ADK: variants seen among roughly 807,000 people sequenced by gnomAD.
ADK encodes adenosine kinase, also known as N6,N6-dimethyladenosine kinase.
Under a neutral mutation model 44.7 loss-of-function variants are expected in ADK, and 24 were observed. The ratio of observed to expected loss-of-function variants is 0.54; its 90% CI spans 0.39 to 0.76. The LOEUF (loss-of-function observed/expected upper bound fraction) is 0.76. Among genes scored for constraint, ADK ranks in the 30% least tolerant of loss-of-function variants. The pLI is 0.00. For missense variants in ADK, 321 were observed against 425.1 expected, an observed-to-expected ratio of 0.76 and a Z score of 2.15; for synonymous variants, 128 against 142.6, an observed-to-expected ratio of 0.90 and a Z score of 0.73.
intron 6 of ADK, among the ~76,000 whole-genome samples, chr10:74,516,133 A>G (rs1471413287): frequency 6.6e-6 from 1 of 152,174 alleles, no homozygotes; most frequent in Non-Finnish European, 1.5e-5. Context: ...CAGCTCTCCA[A>G]AATGGGCTCA....
At chr10:74,375,049 A>G (rs145244307) in intron 4 of ADK, among the ~76,000 whole-genome samples, 233 of 152,216 alleles carry the variant, frequency 1.5e-3, no homozygotes, top group African/African-American at 5.2e-3. Context: ...TGGATTAATG[A>G]GTTCCTAATT....
At chr10:74,387,874 G>A (rs907247115) in intron 4 of ADK, among the ~76,000 whole-genome samples, 5 of 151,902 alleles carry the variant, frequency 3.3e-5, no homozygotes, top group Non-Finnish European at 7.4e-5. Flanking sequence ...AAACTGCGTA[G>A]GTTGTTAGTC....
chr10:74,619,905 A>C (rs1418128170), intron 9 of ADK, among the ~76,000 whole-genome samples: 1 of 152,058 alleles, frequency 6.6e-6, no homozygotes, highest in Non-Finnish European at 1.5e-5. Context: ...TATTTTTATT[A>C]GAGATGAGGT....
chr10:74,344,276 G>A (rs1312524665), intron 4 of ADK, among the ~76,000 whole-genome samples: 1 of 152,120 alleles, frequency 6.6e-6, no homozygotes, highest in Non-Finnish European at 1.5e-5. Flanking sequence ...AAAAGAAGCA[G>A]CAATTGCTTA....
intron 1 of ADK, among the ~76,000 whole-genome samples, chr10:74,178,156 G>A (rs1018119906): frequency 1.3e-5 from 2 of 151,856 alleles, no homozygotes; most frequent in Non-Finnish European, 2.9e-5. Context: ...TGGCCAGGCT[G>A]GTCTCGAACT....
chr10:74,571,212 G>A (rs1203284190), intron 7 of ADK, among the ~76,000 whole-genome samples: 9 of 150,776 alleles, frequency 6.0e-5, no homozygotes, highest in African/African-American at 1.7e-4. Flanking sequence ...GAGGATTTTT[G>A]CATTGATGTT....
intron 2 of ADK, among the ~76,000 whole-genome samples, chr10:74,201,644 A>ATATG (rs10630238): frequency 0.013 from 1,155 of 89,254 alleles, 13 homozygotes; most frequent in African/African-American, 0.029. Flanking sequence ...GTGTGTGTGT[A>ATATG]TATGTATGTA....
At chr10:74,344,502 C>T in intron 4 of ADK, 1 of 224,730 alleles carries the variant, frequency 4.4e-6, no homozygotes, top group Admixed American at 4.2e-5. Flanking sequence ...GATGCATACT[C>T]ATTTCCAGTG....
At chr10:74,182,722 C>A (rs1842606995) in intron 1 of ADK, among the ~76,000 whole-genome samples, 1 of 152,082 alleles carries the variant, frequency 6.6e-6, no homozygotes, top group African/African-American at 2.4e-5. Flanking sequence ...AATAGGTCAC[C>A]TTTGTTTGAA....
At chr10:74,665,779 G>GAGAC (rs1199184426) in intron 9 of ADK, among the ~76,000 whole-genome samples, 33 of 139,002 alleles carry the variant, frequency 2.4e-4, no homozygotes, top group African/African-American at 5.8e-4. Context: ...GAGAGAGAGA[G>GAGAC]AGACAGACAG....
At chr10:74,465,412 T>C (rs1249147968) in intron 6 of ADK, among the ~76,000 whole-genome samples, 10 of 152,136 alleles carry the variant, frequency 6.6e-5, no homozygotes, top group African/African-American at 2.4e-5. Context: ...ATAAAGACTT[T>C]GTTGTTTTTG....
At chr10:74,636,294 G>A (rs1468895767) in intron 9 of ADK, among the ~76,000 whole-genome samples, 1 of 152,178 alleles carries the variant, frequency 6.6e-6, no homozygotes, top group East Asian at 1.9e-4. Flanking sequence ...AGATTACACT[G>A]AGATTTGAGT....
intron 6 of ADK, among the ~76,000 whole-genome samples, chr10:74,495,381 T>C (rs902071610): frequency 2.0e-5 from 3 of 152,150 alleles, no homozygotes; most frequent in African/African-American, 7.2e-5. Flanking sequence ...CATTTATATT[T>C]AAGAGTGATG....
At position 74,427,261 on chromosome 10, in the gene ADK, T is replaced by C. The variant is rs1592197723; in HGVS notation, c.555+28682T>C. Among the ~76,000 whole-genome samples, 3 of 152,198 alleles carry C rather than the reference T, an allele frequency of 2.0e-5. No homozygotes were observed. The East Asian group carries it at 5.8e-4, about 29-fold the overall frequency. The stretch of plus-strand genomic sequence containing the variant: ...TCGCCCAGGTTGGAGTGCAGTGGCG[T>C]GATCTCCGCTCACTGCAAGCTCGAC... On this transcript the variant is annotated intron_variant, in intron 6 of 10. Transcript: ENST00000539909.
intron 4 of ADK, among the ~76,000 whole-genome samples, chr10:74,364,525 T>C (rs1268775774): frequency 6.6e-6 from 1 of 152,152 alleles, no homozygotes; most frequent in East Asian, 1.9e-4. Flanking sequence ...TTACCATAAC[T>C]CTGAAACTTT....
intron 7 of ADK, among the ~76,000 whole-genome samples, chr10:74,562,605 A>T (rs1038631808): frequency 1.3e-5 from 2 of 152,244 alleles, no homozygotes; most frequent in African/African-American, 4.8e-5. Context: ...TATGATATAC[A>T]TATAAAAGAA....
intron 7 of ADK, among the ~76,000 whole-genome samples, chr10:74,573,262 G>A (rs1227668285): frequency 6.6e-6 from 1 of 152,158 alleles, no homozygotes; most frequent in Non-Finnish European, 1.5e-5. Context: ...GTTTGCTAGA[G>A]GTCCACTCCA....
At chr10:74,217,012 T>C in intron 2 of ADK, among the ~76,000 whole-genome samples, 1 of 152,174 alleles carries the variant, frequency 6.6e-6, no homozygotes, top group East Asian at 1.9e-4. Flanking sequence ...TGCCAGACAG[T>C]GGGCGCAGGT....
rs536032742 is a variant in ADK, at chr10:74,338,620, C to T, written c.273+23875C>T. On this transcript the variant is annotated intron_variant, in intron 4 of 10. Transcript: ENST00000539909. ...AATTACTGGTACAGTCAACAGTTTC[C>T]GTAGATCTTAAGTTCATCACACGAA... is the stretch of plus-strand genomic sequence containing the variant. Among the ~76,000 whole-genome samples the T allele has an allele frequency of 8.6e-5, 13 of 151,992 alleles. No homozygotes were observed. The East Asian group carries it at 1.7e-3, about 20-fold the overall frequency.
Sources: gnomAD v4.1 joint callset for allele counts (sites outside exome capture counted in the v4.1 genomes callset) on GRCh38, gnomAD v4.1.1 for gene constraint, MANE v1.5 for transcripts, NCBI Gene and HGNC (gene_info 2026-07-23, HGNC 2026-07-21) for gene names.